Variants in SUN2 observed in about 807,000 individuals in gnomAD.
SUN2 encodes the protein Sad1 and UNC84 domain containing 2.
A neutral mutation model predicts 100.0 loss-of-function variants in SUN2; 60 were observed. The ratio of observed to expected loss-of-function variants is 0.60; its 90% CI spans 0.49 to 0.74. The LOEUF (loss-of-function observed/expected upper bound fraction) is 0.74, where lower values mean the gene tolerates loss of function less well. Among genes scored for constraint, SUN2 ranks in the 30% least tolerant of loss-of-function variants. SUN2 has a pLI of 0.00. For missense variants in SUN2, 834 were observed against 954.6 expected (o/e 0.87, Z 1.66); for synonymous variants, 367 against 403.3 (o/e 0.91, Z 1.08).
At chr22:38,744,774 G>A (rs1186232344) in intron 8 of SUN2, among the ~76,000 whole-genome samples, 2 of 152,172 alleles carry the variant, frequency 1.3e-5, no homozygotes, top group Non-Finnish European at 2.9e-5. Context: ...CCAAAGTGCC[G>A]AGATTACAGA....
chr22:38,736,901 C>T (rs574004433), intron 17 of SUN2: 1 of 153,176 alleles, frequency 6.5e-6, no homozygotes, highest in South Asian at 2.0e-4. Flanking sequence ...GGCTGGAGTA[C>T]AATGGTGTGA....
intron 8 of SUN2, among the ~76,000 whole-genome samples, chr22:38,744,692 G>T (rs1218761057): frequency 6.6e-6 from 1 of 152,226 alleles, no homozygotes; most frequent in Non-Finnish European, 1.5e-5. Context: ...TAAAAATAAA[G>T]ACAGGGCCTC....
In SUN2 at chr22:38,755,815, C is replaced by T. The variant is rs1384202527; in HGVS notation, c.-90G>A. ...CCGGGGGCGTCCGAGGCCAGGCCGCCGCCGGGGCGCGCCCCCTTTCCGCGT... is the reference window on the plus strand; with the variant it reads ...CCGGGGGCGTCCGAGGCCAGGCCGCTGCCGGGGCGCGCCCCCTTTCCGCGT... On this transcript the variant is annotated 5_prime_UTR_variant, in exon 1 of 18. Transcript: ENST00000689035. The surrounding 1 kb of genome is among the most constrained non-coding windows in gnomAD (Gnocchi z 5.7). 5.1e-6 allele frequency: 5 copies of T among 983,582 alleles called. No individual in the cohort carries two copies. Among genetic ancestry groups the T allele is most frequent in the South Asian group, 9.4e-5 (2 of 21,294 alleles). The allele number at this position is 983,582 out of a possible 1,614,324, so 60.9% of individuals were successfully genotyped here.
intron 7 of SUN2, among the ~76,000 whole-genome samples, chr22:38,748,482 C>T (rs1290579269): frequency 1.3e-5 from 2 of 152,238 alleles, no homozygotes; most frequent in Non-Finnish European, 2.9e-5. Context: ...GGGCATCCCG[C>T]TTTTCACCCA....
At chr22:38,742,719 C>A (rs927375096) in intron 8 of SUN2, 164 bp from the exon 9 acceptor site, 5 of 872,444 alleles carry the variant, frequency 5.7e-6, no homozygotes, top group African/African-American at 1.7e-5. Context: ...CAGGGGCTGC[C>A]GACCTCTGAG....
intron 6 of SUN2, among the ~76,000 whole-genome samples, chr22:38,749,442 G>A (rs771166607): frequency 2.0e-4 from 31 of 152,250 alleles, no homozygotes; most frequent in Admixed American, 4.6e-4. Context: ...GGCCTACCCT[G>A]CAGGAGGAAA....
At position 38,738,169 on chromosome 22, in the gene SUN2, G is replaced by T. The variant is rs372381106; in HGVS notation, c.2040+4C>A. 8 of 1,613,702 alleles carry T rather than the reference G, an allele frequency of 5.0e-6. No homozygotes were observed. The highest frequency in any genetic ancestry group is 3.4e-6 in the Non-Finnish European group (4 of 1,179,800). ...ACTTCTGCTAGCACAGCAGCATCCC[G>T]TACCTGAAAGTGAAACGTCTGAATA... is the stretch of plus-strand genomic sequence containing the variant. On this transcript the variant is annotated splice_donor_region_variant and intron_variant, in intron 17 of 17. Coordinates refer to ENST00000689035, the MANE Select transcript of SUN2 (RefSeq NM_015374.3). The surrounding 1 kb of genome is among the most constrained non-coding windows in gnomAD (Gnocchi z 6.6).
At position 38,739,585 on chromosome 22, in the gene SUN2, G is replaced by A. The variant is rs1372499388; in HGVS notation, c.1578+137C>T. 5 of 1,303,562 alleles carry A rather than the reference G, an allele frequency of 3.8e-6. No individual in the cohort carries two copies. The highest frequency in any genetic ancestry group is 5.4e-6 in the Non-Finnish European group (5 of 928,682). 80.7% of individuals were successfully genotyped at this position (1,303,562 alleles called of 1,614,324 possible). Reference sequence around the variant, plus strand: ...GGCACACTGCCACCCACCCATGCCAGCCCCACAGCATGCAAAGCCTCCTGC... The same window carrying A: ...GGCACACTGCCACCCACCCATGCCAACCCCACAGCATGCAAAGCCTCCTGC... On this transcript the variant is annotated intron_variant, in intron 13 of 17. Coordinates refer to ENST00000689035, the MANE Select transcript of SUN2 (RefSeq NM_015374.3). This position sits in a 1 kb window ranked among gnomAD's most constrained non-coding sequence, Gnocchi z 6.7.
Position 38,740,311 on chromosome 22 carries a change from C to T in SUN2, c.1312G>A (p.Glu438Lys). 6.2e-7 allele frequency: 1 copy of T among 1,604,260 alleles called. No individual in the cohort carries two copies. The highest frequency in any genetic ancestry group is 8.5e-7 in the Non-Finnish European group (1 of 1,176,214). ...LALKQSSVAE[E>K]VGLLPQQIQA... is the part of the protein sequence containing the mutation. ...ATCTGCTGGGGCAGCAGGCCCACTT[C>T]TTCCGCCACCGAGCTCTGCTTCAGT... Residue 438 changes from glutamate to lysine, a missense_variant, in exon 12 of 18, where the codon GAA becomes AAA. By Grantham distance (56) the Glu-to-Lys change is moderately conservative. Transcript: ENST00000689035. The surrounding 1 kb of genome is among the most constrained non-coding windows in gnomAD (Gnocchi z 4.8).
intron 1 of SUN2, among the ~76,000 whole-genome samples, chr22:38,753,406 G>A (rs778634755): frequency 1.3e-4 from 20 of 151,902 alleles, no homozygotes; most frequent in Non-Finnish European, 2.4e-4. Flanking sequence ...AATAGAGACG[G>A]GGTTTCGCCA....
At chr22:38,747,778 A>C (rs936244687) in intron 7 of SUN2, among the ~76,000 whole-genome samples, 1 of 151,590 alleles carries the variant, frequency 6.6e-6, no homozygotes, top group Non-Finnish European at 1.5e-5. Context: ...CCCCGTCTCT[A>C]CTAAAAATAC....
Position 38,748,733 on chromosome 22 carries a change from A to C in SUN2, c.665T>G (p.Leu222Trp). ...CTCACCATACGTCAGGCACGTCAGC[A>C]AGAGCAGCGGCAGCAGGAACCAGAG... The part of the protein sequence containing the change: ...TFLWFLLPLL[L>W]LTCLTYGAWY... The change falls in exon 7 of 18, where the codon TTG becomes TGG. Residue 222 changes from leucine to tryptophan, a missense_variant. By Grantham distance (61) the Leu-to-Trp change is moderately conservative. Around this residue, in one of 3 missense-constraint regions of SUN2, gnomAD observed 559 missense variants for 597.7 expected, o/e 0.94. Transcript: ENST00000689035. 6.2e-7 allele frequency: 1 copy of C among 1,614,226 alleles called. No homozygotes were observed. The highest frequency in any genetic ancestry group is 8.5e-7 in the Non-Finnish European group (1 of 1,180,030).
In SUN2 at chr22:38,740,014, G is replaced by A. The variant is rs2092840957; in HGVS notation, c.1357-71C>T. The A allele has an allele frequency of 1.5e-5, 23 of 1,520,484 alleles. No individual in the cohort carries two copies. Among genetic ancestry groups the A allele is most frequent in the Non-Finnish European group, 2.1e-5 (23 of 1,117,100 alleles). The allele number at this position is 1,520,484 out of a possible 1,614,324, so 94.2% of individuals were successfully genotyped here. On this transcript the variant is annotated intron_variant, in intron 12 of 17. Coordinates refer to ENST00000689035, the MANE Select transcript of SUN2 (RefSeq NM_015374.3). This position sits in a 1 kb window ranked among gnomAD's most constrained non-coding sequence, Gnocchi z 4.8. ...AGCAGGAGCTGCTATGACAGGGCTA[G>A]TGCTTAGCTGGATAGCAGGGATAGG...
At position 38,741,558 on chromosome 22, in the gene SUN2, G is replaced by A; in HGVS notation, c.1082C>T (p.Ala361Val). The change falls in exon 10 of 18, where the codon GCC (alanine) becomes GTC (valine). Residue 361 changes from alanine (A) to valine (V), a missense_variant. By Grantham distance (64) the Ala-to-Val change is moderately conservative. Around this residue, in one of 3 missense-constraint regions of SUN2, gnomAD observed 559 missense variants for 597.7 expected, o/e 0.94. Coordinates refer to ENST00000689035, the MANE Select transcript of SUN2 (RefSeq NM_015374.3). ...TAARIQEELSALRAEHQQDSE... is the reference protein window; with the variant it reads ...TAARIQEELSVLRAEHQQDSE... ...GTCTTGCTGATGCTCTGCTCTCAGG[G>A]CAGACAGTTCTTCCTGTGAGACGGG... The A allele has an allele frequency of 6.2e-7, 1 of 1,614,068 alleles. No individual in the cohort carries two copies. Among genetic ancestry groups the A allele is most frequent in the Non-Finnish European group, 8.5e-7 (1 of 1,180,026 alleles).
At chr22:38,751,973 T>C (rs2092948845) in intron 2 of SUN2, among the ~76,000 whole-genome samples, 2 of 152,150 alleles carry the variant, frequency 1.3e-5, no homozygotes, top group Admixed American at 6.6e-5. Flanking sequence ...CTTTCTTTCC[T>C]TTTTTTCTTT....
At chr22:38,752,371 C>T (rs1036232924) in intron 2 of SUN2, 136 bp downstream of exon 2, 15 of 1,096,336 alleles carry the variant, frequency 1.4e-5, no homozygotes, top group Middle Eastern at 3.1e-4. Context: ...CTCGACCGGA[C>T]GGGGGCCCAC....
rs2092978358 is a variant in SUN2, at chr22:38,755,473, G to T, written c.-38+290C>A. 2 of 988,406 alleles carry T rather than the reference G, an allele frequency of 2.0e-6. No homozygotes were observed. Among genetic ancestry groups the T allele is most frequent in the African/African-American group, 1.7e-5 (1 of 57,274 alleles). 61.2% of individuals were successfully genotyped at this position (988,406 alleles called of 1,614,324 possible). On this transcript the variant is annotated intron_variant, in intron 1 of 17. Coordinates refer to ENST00000689035, the MANE Select transcript of SUN2 (RefSeq NM_015374.3). The surrounding 1 kb of genome is among the most constrained non-coding windows in gnomAD (Gnocchi z 5.7). ...AAACCCGTAGGCGCTGCCCGGGGCC[G>T]GGTTGGGGCAGTCGGCCTTTGCCCT...
chr22:38,753,895 G>T (rs1007943189), intron 1 of SUN2, among the ~76,000 whole-genome samples: 2 of 152,200 alleles, frequency 1.3e-5, no homozygotes, highest in African/African-American at 4.8e-5. Flanking sequence ...GTTGTTTCAG[G>T]AATGTATTGA....
In SUN2 at chr22:38,755,140, G is replaced by A. The variant is rs960139775; in HGVS notation, c.-38+623C>T. ...TCACAAACATCTCCATCCATCTTCA[G>A]ACTTAAACCAGATCTGGGGCATCTT... is the stretch of plus-strand genomic sequence containing the variant. On this transcript the variant is annotated intron_variant, in intron 1 of 17. Transcript: ENST00000689035. The surrounding 1 kb of genome is among the most constrained non-coding windows in gnomAD (Gnocchi z 5.7). 4.9e-6 allele frequency: 5 copies of A among 1,027,494 alleles called. No homozygotes were observed. Among genetic ancestry groups the A allele is most frequent in the Non-Finnish European group, 6.3e-6 (5 of 793,178 alleles). The allele number at this position is 1,027,494 out of a possible 1,614,324, so 63.6% of individuals were successfully genotyped here. A position where few individuals can be genotyped will look rare whatever the true frequency, so the allele number is the denominator to read the frequency against.
Sources: allele counts gnomAD v4.1 joint callset (sites outside exome capture counted in the v4.1 genomes callset), GRCh38; gene constraint gnomAD v4.1.1; regional missense constraint gnomAD v4.1.1; non-coding constraint Gnocchi (gnomAD v3.1); transcripts MANE v1.5; gene names NCBI Gene and HGNC (gene_info 2026-07-23, HGNC 2026-07-21).